CSPG4: variants seen among roughly 807,000 people sequenced by gnomAD.
CSPG4 encodes the protein chondroitin sulfate proteoglycan 4, also known as chondroitin sulfate proteoglycan 4 (melanoma-associated).
A neutral mutation model predicts 139.3 loss-of-function variants in CSPG4; 74 were observed. That is an observed-to-expected ratio of 0.53 (90% CI 0.44 to 0.64). The LOEUF (loss-of-function observed/expected upper bound fraction) is 0.64, where lower values mean the gene tolerates loss of function less well. Ranked by LOEUF, CSPG4 falls within the 30% of genes least tolerant of loss-of-function variation. CSPG4 has a pLI of 0.00. For synonymous variants in CSPG4, 1,234 were observed against 1,394.2 expected (o/e 0.89, Z 2.56); for missense variants, 2,565 against 3,148.3 (o/e 0.81, Z 4.43).
intron 1 of CSPG4, among the ~76,000 whole-genome samples, chr15:75,706,351 A>G (rs1477444520): frequency 6.7e-6 from 1 of 149,540 alleles, no homozygotes; most frequent in Non-Finnish European, 1.5e-5. Context: ...GGGGCAGGAC[A>G]CTCTCCTTGC....
rs778354681 is a variant in CSPG4, at chr15:75,687,860, C to G, written c.3205G>C (p.Val1069Leu). Residue 1069 changes from valine (V) to leucine (L), a missense_variant, in exon 3 of 10, where the codon GTG becomes CTG. Physicochemically the swap from Val to Leu is conservative, Grantham distance 32. Coordinates refer to ENST00000308508, the MANE Select transcript of CSPG4 (RefSeq NM_001897.5). This position sits in a 1 kb window ranked among gnomAD's most constrained non-coding sequence, Gnocchi z 5.4. ...GGCCGCGTGGGCTCATCTACGGCCA[C>G]GATACTGCCAAAGAGGAGGTCCTTG... is the stretch of plus-strand genomic sequence containing the variant. ...TRKDLLFGSI[V>L]AVDEPTRPIY... is the part of the protein sequence containing the mutation. 1 of 1,612,920 alleles carries G rather than the reference C, an allele frequency of 6.2e-7. No individual in the cohort carries two copies. Among genetic ancestry groups the G allele is most frequent in the South Asian group, 1.1e-5 (1 of 91,088 alleles).
Position 75,682,009 on chromosome 15 carries a change from T to C in CSPG4, c.4950+284A>G, listed in dbSNP as rs1432567066. ...CCCTCTCCAGACCCTCGGGTCCGGC[T>C]GTAGCTTCCTTCTGGAAGCTATACC... is the stretch of plus-strand genomic sequence containing the variant. On this transcript the variant is annotated intron_variant, in intron 8 of 9. Transcript: ENST00000308508. Among the ~76,000 whole-genome samples the C allele has an allele frequency of 2.6e-5, 4 of 152,138 alleles. No homozygotes were observed. In the East Asian group the frequency reaches 7.7e-4, roughly 29 times the overall value.
At chr15:75,680,434 C>T (rs1893957497) in intron 8 of CSPG4, 1 of 152,256 alleles carries the variant, frequency 6.6e-6, no homozygotes, top group African/African-American at 2.4e-5. Flanking sequence ...TATATGTTGA[C>T]AATTAACTTC....
In CSPG4 at chr15:75,687,547, C is replaced by T. The variant is rs138695207; in HGVS notation, c.3518G>A (p.Arg1173His). The part of the protein sequence containing the change: ...EVHYHVTAGP[R>H]WGQLVRAGQP... The stretch of plus-strand genomic sequence containing the variant: ...ACCAGCCCGGACTAGCTGTCCCCAG[C>T]GAGGGCCAGCTGTGACGTGGTAGTG... Residue 1173 changes from arginine to histidine, a missense_variant, in exon 3 of 10, where the codon CGC (arginine) becomes CAC (histidine). Transcript: ENST00000308508. This position sits in a 1 kb window ranked among gnomAD's most constrained non-coding sequence, Gnocchi z 5.4. The T allele has an allele frequency of 5.7e-5, 91 of 1,610,560 alleles. No homozygotes were observed. The highest frequency in any genetic ancestry group is 4.9e-4 in the African/African-American group (37 of 74,906).
In CSPG4 at chr15:75,712,791, A is replaced by G. The variant is rs1159860299; in HGVS notation, c.-36T>C. On this transcript the variant is annotated 5_prime_UTR_variant, in exon 1 of 10. Coordinates refer to ENST00000308508, the MANE Select transcript of CSPG4 (RefSeq NM_001897.5). ...TGGGCGGCAGGACTTGCGAGGAGCC[A>G]GCGGAGTCCTGGGAGCTGGGAGCTG... 3.3e-6 allele frequency: 5 copies of G among 1,512,876 alleles called. No individual in the cohort carries two copies. Among genetic ancestry groups the G allele is most frequent in the South Asian group, 1.2e-5 (1 of 80,908 alleles). The allele number at this position is 1,512,876 out of a possible 1,614,324, so 93.7% of individuals were successfully genotyped here.
intron 5 of CSPG4, among the ~76,000 whole-genome samples, chr15:75,683,865 G>A (rs1566972831): frequency 6.6e-6 from 1 of 152,338 alleles, no homozygotes; most frequent in East Asian, 1.9e-4. Flanking sequence ...CAGGACCCCA[G>A]CACTAGGCTT....
chr15:75,679,564 G>A (rs1449161814), intron 8 of CSPG4: 1 of 152,258 alleles, frequency 6.6e-6, no homozygotes, highest in Non-Finnish European at 1.5e-5. Context: ...AGACACACCT[G>A]CTGTTCTATG....
At chr15:75,702,259 C>T (rs1301193691) in intron 1 of CSPG4, among the ~76,000 whole-genome samples, 1 of 152,256 alleles carries the variant, frequency 6.6e-6, no homozygotes, top group Non-Finnish European at 1.5e-5. Context: ...TCTGCACTGA[C>T]TCCGTGCACA....
chr15:75,707,303 C>T (rs1352027047), intron 1 of CSPG4, among the ~76,000 whole-genome samples: 1 of 152,154 alleles, frequency 6.6e-6, no homozygotes, highest in African/African-American at 2.4e-5. Flanking sequence ...CACAAAATTT[C>T]TTTAAAAAAA....
chr15:75,681,821 C>T (rs1021404274), intron 8 of CSPG4, among the ~76,000 whole-genome samples: 4 of 152,198 alleles, frequency 2.6e-5, no homozygotes, highest in Non-Finnish European at 4.4e-5. Flanking sequence ...ATCAGCTCAT[C>T]TGCCCCTAGG....
rs371972204 is a variant in CSPG4, at chr15:75,689,107, G to A, written c.1958C>T (p.Thr653Met). The part of the protein sequence containing the change: ...SDGLQASPPA[T>M]LKVVAIRPAI... The stretch of plus-strand genomic sequence containing the variant: ...CGGCCGGATGGCCACCACCTTCAGC[G>A]TGGCCGGGGGGCTGGCCTGCAGTCC... The change falls in exon 3 of 10, where the codon ACG becomes ATG. Residue 653 changes from threonine to methionine, a missense_variant. This residue lies in a region of CSPG4 where 2,316 missense variants were observed against 2,818.2 expected (regional missense o/e 0.82). Coordinates refer to ENST00000308508, the MANE Select transcript of CSPG4 (RefSeq NM_001897.5). 5.6e-6 allele frequency: 9 copies of A among 1,603,546 alleles called. No homozygotes were observed. The highest frequency in any genetic ancestry group is 2.2e-5 in the East Asian group (1 of 44,770).
At position 75,676,729 on chromosome 15, in the gene CSPG4, G is replaced by A. The variant is rs142584850; in HGVS notation, c.5790C>T (p.Pro1930=). The A allele has an allele frequency of 1.8e-5, 28 of 1,577,358 alleles. No individual in the cohort carries two copies. Among genetic ancestry groups the A allele is most frequent in the Non-Finnish European group, 2.2e-5 (25 of 1,160,254 alleles). ...SMSDGASPPL[P]MSLAVDILPS... is the part of the protein sequence containing the mutation. ...GTAGGATGTCCACAGCCAGGGACAT[G>A]GGCAGGGGTGGGCTGGCCCCATCAG... The change falls in exon 10 of 10, where the codon CCC becomes CCT. Residue 1930 remains proline (P), a synonymous_variant. Transcript: ENST00000308508.
rs1893897700 is a variant in CSPG4 at position 75,676,674 on chromosome 15, G to A, written c.5845C>T (p.Pro1949Ser). 1.3e-6 allele frequency: 2 copies of A among 1,594,556 alleles called. No individual in the cohort carries two copies. Among genetic ancestry groups the A allele is most frequent in the Non-Finnish European group, 8.6e-7 (1 of 1,169,162 alleles). Residue 1949 changes from proline to serine, a missense_variant, in exon 10 of 10, where the codon CCC becomes TCC. This residue lies in a region of CSPG4 where 2,316 missense variants were observed against 2,818.2 expected (regional missense o/e 0.82). Transcript: ENST00000308508. ...PSAIEVQLRA[P>S]LEVPQALGRS... ...CCCAAAGCTTGGGGCACCTCCAGGG[G>A]TGCCCGCAGCTGCACCTCGATGGCG...
chr15:75,695,867 T>C (rs957525075), intron 1 of CSPG4, among the ~76,000 whole-genome samples: 16 of 151,952 alleles, frequency 1.1e-4, no homozygotes, highest in African/African-American at 3.9e-4. Context: ...TGGGTGGGGC[T>C]AGGAGGGTTT....
At chr15:75,691,859 G>A (rs1894168768) in intron 2 of CSPG4, among the ~76,000 whole-genome samples, 1 of 152,184 alleles carries the variant, frequency 6.6e-6, no homozygotes, top group Non-Finnish European at 1.5e-5. Context: ...TGGCATCATT[G>A]TACCTACAGA....
chr15:75,679,398 C>T (rs1893940948), intron 8 of CSPG4: 1 of 152,418 alleles, frequency 6.6e-6, no homozygotes. Context: ...CCGCCCATTA[C>T]ATTTTGTTCC....
At position 75,674,575 on chromosome 15, in the gene CSPG4, G is replaced by A. The variant is rs1893862796; in HGVS notation, c.*975C>T. 7.6e-6 allele frequency: 3 copies of A among 394,578 alleles called. No homozygotes were observed. Among genetic ancestry groups the A allele is most frequent in the Admixed American group, 4.4e-5 (1 of 22,554 alleles). The allele number at this position is 394,578 out of a possible 1,614,324, so 24.4% of individuals were successfully genotyped here. A position where few individuals can be genotyped will look rare whatever the true frequency, so the allele number is the denominator to read the frequency against. On this transcript the variant is annotated 3_prime_UTR_variant, in exon 10 of 10. Transcript: ENST00000308508. ...AGGGGCCCTCTGTATGCAAGCCGAC[G>A]CAGACAAGGGCCCAGTGCATAGTTA...
At chr15:75,691,005 T>C (rs1479361465) in intron 2 of CSPG4, among the ~76,000 whole-genome samples, 193 bp from the exon 3 acceptor site, 1 of 152,158 alleles carries the variant, frequency 6.6e-6, no homozygotes, top group Non-Finnish European at 1.5e-5. Flanking sequence ...AGAAACCCTG[T>C]CTCTACTAAA....
At chr15:75,705,393 C>A (rs1354824073) in intron 1 of CSPG4, among the ~76,000 whole-genome samples, 1 of 152,232 alleles carries the variant, frequency 6.6e-6, no homozygotes, top group African/African-American at 2.4e-5. Flanking sequence ...AAGCAGAAGT[C>A]CCCATGTTGC....
Sources: allele counts gnomAD v4.1 joint callset (sites outside exome capture counted in the v4.1 genomes callset), GRCh38; gene constraint gnomAD v4.1.1; regional missense constraint gnomAD v4.1.1; non-coding constraint Gnocchi (gnomAD v3.1); transcripts MANE v1.5; gene names NCBI Gene and HGNC (gene_info 2026-07-23, HGNC 2026-07-21).